CTNND2: variants seen among roughly 807,000 people sequenced by gnomAD.
CTNND2 encodes the protein catenin delta-2.
A neutral mutation model predicts 144.4 loss-of-function variants in CTNND2; 22 were observed. The ratio of observed to expected loss-of-function variants is 0.15; its 90% CI spans 0.11 to 0.22. CTNND2 has a LOEUF of 0.22. Among genes scored for constraint, CTNND2 ranks in the 10% least tolerant of loss-of-function variants. The pLI, the probability that CTNND2 is intolerant of heterozygous loss-of-function variation, is 1.00. For synonymous variants in CTNND2, 751 were observed against 695.6 expected, an observed-to-expected ratio of 1.08 and a Z score of -1.25; for missense variants, 1,353 against 1,618.8, an observed-to-expected ratio of 0.84 and a Z score of 2.82.
intron 3 of CTNND2, among the ~76,000 whole-genome samples, chr5:11,536,166 C>T (rs1774201205): frequency 6.6e-6 from 1 of 152,160 alleles, no homozygotes; most frequent in South Asian, 2.1e-4. Context: ...TGGGCTCAAA[C>T]AATCCTCCCA....
intron 2 of CTNND2, among the ~76,000 whole-genome samples, chr5:11,688,732 C>G (rs1164353301): frequency 1.3e-5 from 2 of 152,178 alleles, no homozygotes; most frequent in Non-Finnish European, 1.5e-5. Flanking sequence ...GGCCCTGATG[C>G]TTGTAAAGAA....
At chr5:11,360,722 T>C (rs374055023) in intron 8 of CTNND2, among the ~76,000 whole-genome samples, 7 of 152,312 alleles carry the variant, frequency 4.6e-5, no homozygotes, top group African/African-American at 1.7e-4. Context: ...AATATGCATG[T>C]AGCCTATATG....
At chr5:11,340,476 T>C (rs1257210718) in intron 9 of CTNND2, among the ~76,000 whole-genome samples, 1 of 152,192 alleles carries the variant, frequency 6.6e-6, no homozygotes. Context: ...AGGATGTACC[T>C]GGATACAACC....
Position 11,159,572 on chromosome 5 carries a change from T to A in CTNND2, c.2159+4A>T. 1 of 1,605,628 alleles carries A rather than the reference T, an allele frequency of 6.2e-7. No homozygotes were observed. Among genetic ancestry groups the A allele is most frequent in the Non-Finnish European group, 8.5e-7 (1 of 1,175,816 alleles). Reference sequence around the variant, plus strand: ...GGAGGAGGCACTCGTGACACAGGACTGACCTTAGGCACCCGGTGGCGTTAC... The same window carrying A: ...GGAGGAGGCACTCGTGACACAGGACAGACCTTAGGCACCCGGTGGCGTTAC... On this transcript the variant is annotated splice_donor_region_variant and intron_variant, in intron 12 of 21. Transcript: ENST00000304623.
intron 8 of CTNND2, among the ~76,000 whole-genome samples, chr5:11,356,649 A>T (rs1755909426): frequency 6.6e-6 from 1 of 152,014 alleles, no homozygotes; most frequent in African/African-American, 2.4e-5. Context: ...AAGAATTTTT[A>T]AAATAAGACC....
At chr5:11,112,647 A>G (rs1276985765) in intron 13 of CTNND2, among the ~76,000 whole-genome samples, 1 of 152,238 alleles carries the variant, frequency 6.6e-6, no homozygotes, top group African/African-American at 2.4e-5. Flanking sequence ...GCTGGGGCAC[A>G]GTAAATGCTC....
chr5:11,674,262 A>G (rs1347073786), intron 2 of CTNND2, among the ~76,000 whole-genome samples: 2 of 152,234 alleles, frequency 1.3e-5, no homozygotes, highest in Non-Finnish European at 1.5e-5. Flanking sequence ...AAGACAGTAT[A>G]TGAGATAAAA....
intron 12 of CTNND2, among the ~76,000 whole-genome samples, chr5:11,133,849 G>A (rs892920955): frequency 8.5e-5 from 13 of 152,204 alleles, no homozygotes; most frequent in African/African-American, 1.9e-4. Context: ...CCATAGTACC[G>A]ATATAGTCTG....
chr5:11,541,496 G>C (rs1474050635), intron 3 of CTNND2, among the ~76,000 whole-genome samples: 1 of 152,124 alleles, frequency 6.6e-6, no homozygotes, highest in Non-Finnish European at 1.5e-5. Flanking sequence ...TAGGAGGAGA[G>C]AACACATTTT....
chr5:11,219,120 C>A (rs1279489541), intron 10 of CTNND2, among the ~76,000 whole-genome samples: 1 of 152,166 alleles, frequency 6.6e-6, no homozygotes, highest in Non-Finnish European at 1.5e-5. Flanking sequence ...GTTTCCCAAC[C>A]AATGGCCATA....
At chr5:11,851,479 A>G (rs957149489) in intron 1 of CTNND2, among the ~76,000 whole-genome samples, 1 of 152,040 alleles carries the variant, frequency 6.6e-6, no homozygotes, top group Admixed American at 6.6e-5. Flanking sequence ...TGCTGACTTC[A>G]CTCTGTGGCC....
At chr5:11,662,216 CAT>C (rs1218316228) in intron 2 of CTNND2, among the ~76,000 whole-genome samples, 3 of 89,422 alleles carry the variant, frequency 3.4e-5, no homozygotes, top group African/African-American at 1.6e-4. Context: ...TATATATATA[CAT>C]ATATGTGTAT....
At chr5:11,369,358 A>T (rs114492110) in intron 7 of CTNND2, among the ~76,000 whole-genome samples, 763 of 152,318 alleles carry the variant, frequency 5.0e-3, no homozygotes, top group Non-Finnish European at 8.4e-3. Flanking sequence ...GGGGTTCTTG[A>T]CACAGAAAAT....
chr5:11,501,794 G>A (rs1249167947), intron 3 of CTNND2, among the ~76,000 whole-genome samples: 1 of 151,828 alleles, frequency 6.6e-6, no homozygotes, highest in Non-Finnish European at 1.5e-5. Context: ...AGATCACAAG[G>A]TCGGGAGATT....
intron 6 of CTNND2, among the ~76,000 whole-genome samples, chr5:11,389,503 T>TGC (rs397762389): frequency 6.6e-6 from 1 of 152,128 alleles, no homozygotes; most frequent in East Asian, 1.9e-4. Flanking sequence ...TGTGTGTGTG[T>TGC]ACTTAGTGGT....
intron 20 of CTNND2, among the ~76,000 whole-genome samples, chr5:10,985,324 C>A (rs1737810437): frequency 6.6e-6 from 1 of 152,120 alleles, no homozygotes; most frequent in Non-Finnish European, 1.5e-5. Context: ...GCTATGGAAG[C>A]CGGCATGCCT....
chr5:11,850,502 A>G (rs1245531212), intron 1 of CTNND2, among the ~76,000 whole-genome samples: 1 of 152,234 alleles, frequency 6.6e-6, no homozygotes, highest in Non-Finnish European at 1.5e-5. Flanking sequence ...ATTCTACTAT[A>G]CATTTGTAAT....
intron 5 of CTNND2, among the ~76,000 whole-genome samples, chr5:11,405,323 A>G (rs1761005072): frequency 6.6e-6 from 1 of 152,230 alleles, no homozygotes; most frequent in Non-Finnish European, 1.5e-5. Flanking sequence ...CCTATTCCTT[A>G]AATTCTTAGG....
At chr5:11,542,460 T>C (rs916614507) in intron 3 of CTNND2, among the ~76,000 whole-genome samples, 2 of 152,170 alleles carry the variant, frequency 1.3e-5, no homozygotes, top group African/African-American at 4.8e-5. Context: ...TGGTGATATA[T>C]AGCAGCCAGT....
Sources: allele counts gnomAD v4.1 joint callset (sites outside exome capture counted in the v4.1 genomes callset), GRCh38; gene constraint gnomAD v4.1.1; transcripts MANE v1.5; gene names NCBI Gene and HGNC (gene_info 2026-07-23, HGNC 2026-07-21).